Variants in ARFIP1 observed in about 807,000 individuals in gnomAD.
The protein encoded by ARFIP1 is arfaptin-1.
ARFIP1 carries 24 observed loss-of-function variants against 42.5 expected under a neutral mutation model. The ratio of observed to expected loss-of-function variants is 0.57; its 90% CI spans 0.41 to 0.80. ARFIP1 has a LOEUF of 0.80. Among genes scored for constraint, ARFIP1 ranks in the 30% least tolerant of loss-of-function variants. The pLI, the probability that ARFIP1 is intolerant of heterozygous loss-of-function variation, is 0.00. For synonymous variants in ARFIP1, 141 were observed against 153.7 expected, an observed-to-expected ratio of 0.92 and a Z score of 0.61; for missense variants, 354 against 434.0, an observed-to-expected ratio of 0.82 and a Z score of 1.64.
intron 1 of ARFIP1, among the ~76,000 whole-genome samples, chr4:152,788,801 C>CTTTTTTTTTTTTTTT (rs138189664): frequency 2.6e-5 from 3 of 113,414 alleles, no homozygotes; most frequent in Non-Finnish European, 3.5e-5. Flanking sequence ...TCCCCAATGT[C>CTTTTTTTTTTTTTTT]TTTTTTTTTT....
intron 1 of ARFIP1, among the ~76,000 whole-genome samples, chr4:152,826,809 A>G (rs767902164): frequency 5.3e-5 from 8 of 152,226 alleles, no homozygotes; most frequent in South Asian, 2.1e-4. Context: ...GAATGGATAC[A>G]TATATGTGGT....
At chr4:152,801,591 C>T (rs572050579) in intron 1 of ARFIP1, among the ~76,000 whole-genome samples, 1 of 152,214 alleles carries the variant, frequency 6.6e-6, no homozygotes, top group Non-Finnish European at 1.5e-5. Flanking sequence ...CCTACTGAGG[C>T]CATGAAATTG....
chr4:152,822,228 A>G (rs977510425), intron 1 of ARFIP1, among the ~76,000 whole-genome samples: 8 of 151,386 alleles, frequency 5.3e-5, no homozygotes, highest in Admixed American at 1.3e-4. Flanking sequence ...ATTTCGCACA[A>G]GTTGAAATCA....
intron 1 of ARFIP1, among the ~76,000 whole-genome samples, chr4:152,824,042 G>T (rs375724235): frequency 8.5e-4 from 130 of 152,214 alleles, no homozygotes; most frequent in East Asian, 5.0e-3. Context: ...GCCAGGTGCA[G>T]TGTCTCCCGC....
At chr4:152,820,822 C>T (rs773211464) in intron 1 of ARFIP1, among the ~76,000 whole-genome samples, 5 of 152,142 alleles carry the variant, frequency 3.3e-5, no homozygotes, top group African/African-American at 1.2e-4. Flanking sequence ...ATTTCTCCTG[C>T]GACTGGCATC....
intron 1 of ARFIP1, among the ~76,000 whole-genome samples, chr4:152,802,660 C>G (rs1391393662): frequency 6.6e-6 from 1 of 152,176 alleles, no homozygotes; most frequent in Non-Finnish European, 1.5e-5. Flanking sequence ...TTCCACAAAT[C>G]TAACCAAGGC....
At chr4:152,837,071 T>G (rs576329476) in intron 2 of ARFIP1, among the ~76,000 whole-genome samples, 8 of 152,278 alleles carry the variant, frequency 5.3e-5, no homozygotes, top group African/African-American at 1.9e-4. Context: ...AGAATAGTAG[T>G]CTCCAATCTC....
chr4:152,877,759 G>A (rs530221289), intron 5 of ARFIP1, among the ~76,000 whole-genome samples: 40 of 152,184 alleles, frequency 2.6e-4, no homozygotes, highest in Admixed American at 1.2e-3. Flanking sequence ...CATGGGGGCC[G>A]GTCTTGTCTG....
At chr4:152,897,349 C>T (rs7672014) in intron 8 of ARFIP1, among the ~76,000 whole-genome samples, 6,501 of 151,758 alleles carry the variant, frequency 0.043, 173 homozygotes, top group South Asian at 0.11. Context: ...GCTAAGATTC[C>T]GGCATGACAA....
chr4:152,797,151 A>G (rs868729425), intron 1 of ARFIP1, among the ~76,000 whole-genome samples: 1 of 152,194 alleles, frequency 6.6e-6, no homozygotes, highest in Non-Finnish European at 1.5e-5. Context: ...ATTCTGGAAT[A>G]TGATGTGAGA....
intron 1 of ARFIP1, among the ~76,000 whole-genome samples, chr4:152,811,290 C>T (rs1729443859): frequency 6.6e-6 from 1 of 151,880 alleles, no homozygotes; most frequent in African/African-American, 2.4e-5. Flanking sequence ...ATGAGAAAAA[C>T]AAGATTAAGT....
intron 2 of ARFIP1, among the ~76,000 whole-genome samples, chr4:152,853,730 A>G (rs1022574031): frequency 6.6e-6 from 1 of 152,062 alleles, no homozygotes; most frequent in East Asian, 1.9e-4. Flanking sequence ...TTATTGTTAT[A>G]TTAAATAGGT....
At chr4:152,803,466 C>G (rs1728581399) in intron 1 of ARFIP1, among the ~76,000 whole-genome samples, 1 of 152,184 alleles carries the variant, frequency 6.6e-6, no homozygotes, top group Non-Finnish European at 1.5e-5. Flanking sequence ...TCTCTGGCCT[C>G]TGCCTTCAAA....
At chr4:152,865,354 C>T (rs1346752230) in intron 3 of ARFIP1, among the ~76,000 whole-genome samples, 1 of 152,130 alleles carries the variant, frequency 6.6e-6, no homozygotes, top group Non-Finnish European at 1.5e-5. Flanking sequence ...CCAGGCTGGT[C>T]TCCAACTCCT....
chr4:152,810,616 G>A (rs1209258207), intron 1 of ARFIP1, among the ~76,000 whole-genome samples: 1 of 151,918 alleles, frequency 6.6e-6, no homozygotes, highest in Non-Finnish European at 1.5e-5. Context: ...AGACCATCCT[G>A]GCTAACATGG....
intron 5 of ARFIP1, among the ~76,000 whole-genome samples, chr4:152,875,859 A>C (rs1735287125): frequency 6.6e-6 from 1 of 152,022 alleles, no homozygotes; most frequent in Non-Finnish European, 1.5e-5. Flanking sequence ...TAATTGAATC[A>C]TGGGAGCCGG....
intron 1 of ARFIP1, among the ~76,000 whole-genome samples, chr4:152,817,755 A>G (rs1472680358): frequency 2.0e-5 from 3 of 152,232 alleles, no homozygotes; most frequent in East Asian, 3.8e-4. Flanking sequence ...CTCAACAACA[A>G]CAAAAACCCC....
At chr4:152,905,513 G>C (rs940576716) in intron 8 of ARFIP1, among the ~76,000 whole-genome samples, 4 of 116,038 alleles carry the variant, frequency 3.4e-5, no homozygotes, top group African/African-American at 1.3e-4. Context: ...CCTGCTTTTT[G>C]GTTAGGTTAT....
At chr4:152,838,257 C>T (rs1422283235) in intron 2 of ARFIP1, among the ~76,000 whole-genome samples, 1 of 152,044 alleles carries the variant, frequency 6.6e-6, no homozygotes, top group Non-Finnish European at 1.5e-5. Flanking sequence ...GCTGTGTGGG[C>T]TCTTTTTTGG....
Sources: gnomAD v4.1 joint callset for allele counts (sites outside exome capture counted in the v4.1 genomes callset) on GRCh38, gnomAD v4.1.1 for gene constraint, MANE v1.5 for transcripts, NCBI Gene and HGNC (gene_info 2026-07-23, HGNC 2026-07-21) for gene names.